NUTM2D: variants seen among roughly 807,000 people sequenced by gnomAD.
NUTM2D encodes the protein NUT family member 2D.
A neutral mutation model predicts 43.5 loss-of-function variants in NUTM2D; 2 were observed. The ratio of observed to expected loss-of-function variants is 0.05; its 90% CI spans 0.02 to 0.14. The LOEUF is 0.14. Ranked by LOEUF, NUTM2D falls within the 10% of genes least tolerant of loss-of-function variation. The pLI is 1.00. For missense variants in NUTM2D, 48 were observed against 668.7 expected, an observed-to-expected ratio of 0.07 and a Z score of 10.24; for synonymous variants, 24 against 276.6, an observed-to-expected ratio of 0.09 and a Z score of 9.06.
chr10:87,358,244 TC>T lies in NUTM2D; in HGVS notation c.-21del, dbSNP rs1706392724. 6.2e-7 allele frequency: 1 copy of T among 1,612,068 alleles called. No homozygotes were observed. The highest frequency in any genetic ancestry group is 8.5e-7 in the Non-Finnish European group (1 of 1,179,830). ...AACAGCTGCCCACTGCCCCTCCCCC[TC>T]TGCAGAATGTCTGGGGTCCTATGTT... On this transcript the variant is annotated 5_prime_UTR_variant, in exon 1 of 7. Coordinates refer to ENST00000381697, the MANE Select transcript of NUTM2D (RefSeq NM_001382304.1).
chr10:87,369,780 C>T (rs973455495), downstream of NUTM2D: 4 of 150,870 alleles, frequency 2.7e-5, no homozygotes, highest in African/African-American at 9.8e-5. Flanking sequence ...CCTGCTCACA[C>T]ACCCAGGTCA....
downstream of NUTM2D, chr10:87,369,288 C>T (rs1454293534): frequency 2.0e-5 from 3 of 151,472 alleles, no homozygotes; most frequent in Non-Finnish European, 2.9e-5. Flanking sequence ...AAGCAGAGAC[C>T]CCAGAGCTCT....
At chr10:87,367,285 G>C, downstream of NUTM2D, 1 of 1,603,178 alleles carries the variant, frequency 6.2e-7, no homozygotes, top group South Asian at 1.1e-5. Context: ...GCAGATGCCA[G>C]GCTCTGGGAA....
At chr10:87,369,317 G>A (rs1850332393), downstream of NUTM2D, 1 of 152,068 alleles carries the variant, frequency 6.6e-6, no homozygotes, top group Admixed American at 6.6e-5. Context: ...CTGACACGAG[G>A]ACACACTGAG....
At chr10:87,367,287 C>T (rs753340442), downstream of NUTM2D, 10 of 1,603,574 alleles carry the variant, frequency 6.2e-6, 1 homozygote, top group Non-Finnish European at 8.5e-6. Flanking sequence ...AGATGCCAGG[C>T]TCTGGGAACC....
At chr10:87,361,323 A>C (rs1247867846) in intron 2 of NUTM2D, 143 bp downstream of exon 2, 1 of 225,556 alleles carries the variant, frequency 4.4e-6, no homozygotes, top group Non-Finnish European at 7.3e-6. Context: ...GTACATTTTC[A>C]ACAATATTAA....
At chr10:87,365,316 T>C in intron 5 of NUTM2D, 113 bp downstream of exon 5, 2 of 1,572,714 alleles carry the variant, frequency 1.3e-6, no homozygotes, top group Middle Eastern at 2.3e-4. Flanking sequence ...TTTCCAAGGA[T>C]TTGAGTGTCT....
At chr10:87,370,450 T>C (rs1311367745), downstream of NUTM2D, 1 of 152,242 alleles carries the variant, frequency 6.6e-6, no homozygotes, top group Non-Finnish European at 1.5e-5. Flanking sequence ...TCTCTCCATA[T>C]TCGAGCCAAC....
chr10:87,360,219 G>A (rs1476121489), intron 1 of NUTM2D, among the ~76,000 whole-genome samples: 1 of 68,170 alleles, frequency 1.5e-5, no homozygotes, highest in Non-Finnish European at 3.0e-5. Flanking sequence ...AGGGACACCC[G>A]AGGGAGACCC....
downstream of NUTM2D, chr10:87,370,692 C>G (rs1850346450): frequency 6.6e-6 from 1 of 152,182 alleles, no homozygotes; most frequent in Non-Finnish European, 1.5e-5. Flanking sequence ...AAATGCTTTA[C>G]AAGATATAAT....
chr10:87,358,531 T>G (rs1850239981), intron 1 of NUTM2D, 100 bp downstream of exon 1: 1 of 1,586,536 alleles, frequency 6.3e-7, no homozygotes, highest in East Asian at 2.2e-5. Flanking sequence ...ATAGGGCTGA[T>G]GTTGAGGAGG....
chr10:87,370,666 T>C (rs1850346200), downstream of NUTM2D: 3 of 152,372 alleles, frequency 2.0e-5, no homozygotes, highest in East Asian at 3.9e-4. Context: ...AAGAATTCTT[T>C]ATATATTCCA....
intron 2 of NUTM2D, 104 bp downstream of exon 2, chr10:87,361,284 G>A (rs1850261793): frequency 1.2e-5 from 6 of 482,938 alleles, no homozygotes; most frequent in Non-Finnish European, 2.1e-5. Context: ...CAGGGCGGTT[G>A]TGAGGGTGAT....
At chr10:87,369,314 G>T (rs1264913894), downstream of NUTM2D, 1 of 151,998 alleles carries the variant, frequency 6.6e-6, no homozygotes, top group Non-Finnish European at 1.5e-5. Flanking sequence ...TCCCTGACAC[G>T]AGGACACACT....
chr10:87,365,343 G>T, intron 5 of NUTM2D, 140 bp downstream of exon 5: 1 of 1,508,718 alleles, frequency 6.6e-7, no homozygotes, highest in Non-Finnish European at 8.9e-7. Flanking sequence ...GTGATTGTGT[G>T]TGTCTGTGTG....
chr10:87,367,407 G>A (rs754285162), downstream of NUTM2D: 13 of 1,591,830 alleles, frequency 8.2e-6, no homozygotes, highest in Non-Finnish European at 1.1e-5. Flanking sequence ...CCACTCACAA[G>A]GCCCTGCCTG....
At chr10:87,360,267 CAG>C (rs1309435767) in intron 1 of NUTM2D, among the ~76,000 whole-genome samples, 1 of 31,946 alleles carries the variant, frequency 3.1e-5, no homozygotes, top group Non-Finnish European at 6.6e-5. Context: ...TCTTGGGAGA[CAG>C]GGGTCAGGGA....
chr10:87,365,286 G>A, intron 5 of NUTM2D, 83 bp downstream of exon 5: 2 of 1,563,796 alleles, frequency 1.3e-6, no homozygotes, highest in South Asian at 1.2e-5. Flanking sequence ...CTGTTCCTTA[G>A]CTACTCAGCA....
At position 87,366,921 on chromosome 10, in the gene NUTM2D, G is replaced by C; in HGVS notation, c.2418G>C (p.Gln806His). 7.6e-6 allele frequency: 4 copies of C among 526,220 alleles called. No individual in the cohort carries two copies. The South Asian group carries it at 8.8e-5, about 12-fold the overall frequency. 32.6% of individuals were successfully genotyped at this position (526,220 alleles called of 1,614,324 possible). A position where few individuals can be genotyped will look rare whatever the true frequency, so the allele number is the denominator to read the frequency against. The change falls in exon 7 of 7, where the codon CAG becomes CAC. Residue 806 changes from glutamine (Q) to histidine (H), a missense_variant. Physicochemically the swap from Gln to His is conservative, Grantham distance 24. Transcript: ENST00000381697. ...SRKEKKQRCS[Q>H] is the part of the protein sequence containing the mutation. ...AGGAGAAGAAGCAGCGTTGTAGCCA[G>C]TAGGGGCTTCTGAGCAGGCTCTCTG...
Sources: allele counts gnomAD v4.1 joint callset (sites outside exome capture counted in the v4.1 genomes callset), GRCh38; gene constraint gnomAD v4.1.1; transcripts MANE v1.5; gene names NCBI Gene and HGNC (gene_info 2026-07-23, HGNC 2026-07-21).